The following INTS13 variants were observed in gnomAD, a reference collection of about 807,000 sequenced individuals.
INTS13 encodes the protein asunder, spermatogenesis regulator homolog (Drosphila).
INTS13 carries 35 observed loss-of-function variants against 90.2 expected under a neutral mutation model. The ratio of observed to expected loss-of-function variants is 0.39; its 90% confidence interval spans 0.30 to 0.51. The LOEUF (loss-of-function observed/expected upper bound fraction) is 0.51. Ranked by LOEUF, INTS13 falls within the 20% of genes least tolerant of loss-of-function variation. The pLI is 0.80. For synonymous variants in INTS13, 309 were observed against 277.1 expected, an observed-to-expected ratio of 1.11 and a Z score of -1.14; for missense variants, 601 against 851.2, an observed-to-expected ratio of 0.71 and a Z score of 3.66.
At chr12:26,905,593 T>C in intron 16 of INTS13, 57 bp from the exon 17 acceptor site, 1 of 1,460,834 alleles carries the variant, frequency 6.8e-7, no homozygotes, top group South Asian at 1.2e-5. Context: ...ACATTTTGTC[T>C]CCTTATCTAC....
At chr12:26,925,899 A>C (rs1226006015) in intron 5 of INTS13, 48 bp from the exon 6 acceptor site, 5 of 1,342,784 alleles carry the variant, frequency 3.7e-6, no homozygotes, top group Non-Finnish European at 4.3e-6. Context: ...ATAGTATGTA[A>C]AGAATTCAAG....
In INTS13 at chr12:26,928,888, G is replaced by T; in HGVS notation, c.318C>A (p.Ala106=). 1 of 1,614,072 alleles carries T rather than the reference G, an allele frequency of 6.2e-7. No homozygotes were observed. The highest frequency in any genetic ancestry group is 8.5e-7 in the Non-Finnish European group (1 of 1,180,004). The part of the protein sequence containing the change: ...QNLQELMAAL[A]AVGPPNPRAD... ...CCCGAGGATTAGGAGGCCCAACAGC[G>T]GCTAATGCTGCCATTAGCTAAGTAA... Residue 106 remains alanine (A), a synonymous_variant, in exon 4 of 17, where the codon GCC becomes GCA. Coordinates refer to ENST00000261191, the MANE Select transcript of INTS13 (RefSeq NM_018164.3).
In INTS13 at chr12:26,913,704, GA is replaced by G; in HGVS notation, c.1575-18del. On this transcript the variant is annotated intron_variant, in intron 13 of 16. Transcript: ENST00000261191. ...TGTTCATCTCTGCAGCAAAGATTTGGAAATACTCTTTAAATAATATTGAAGT... is the reference window on the plus strand; with the variant it reads ...TGTTCATCTCTGCAGCAAAGATTTGGAATACTCTTTAAATAATATTGAAGT... 6.4e-7 allele frequency: 1 copy of G among 1,570,644 alleles called. No homozygotes were observed. Among genetic ancestry groups the G allele is most frequent in the Non-Finnish European group, 8.7e-7 (1 of 1,149,290 alleles).
chr12:26,922,875 C>A (rs1381636610), intron 7 of INTS13, among the ~76,000 whole-genome samples, 175 bp from the exon 8 acceptor site: 4 of 151,902 alleles, frequency 2.6e-5, no homozygotes, highest in Admixed American at 6.6e-5. Flanking sequence ...AACATAAACT[C>A]CATTAAAAAA....
Position 26,917,453 on chromosome 12 carries a change from G to A in INTS13, c.980-12C>T, listed in dbSNP as rs549478438. On this transcript the variant is annotated splice_polypyrimidine_tract_variant and intron_variant, in intron 9 of 16. Coordinates refer to ENST00000261191, the MANE Select transcript of INTS13 (RefSeq NM_018164.3). ...ACAATAGTGTAATTCTGAAATAGAA[G>A]AAAACACTGATTTGAAAGAATATAA... 37 of 1,409,908 alleles carry A rather than the reference G, an allele frequency of 2.6e-5. No homozygotes were observed. In the South Asian group the frequency reaches 4.1e-4, roughly 16 times the overall value. The allele number at this position is 1,409,908 out of a possible 1,614,324, so 87.3% of individuals were successfully genotyped here.
In INTS13 at chr12:26,917,185, A is replaced by G. The variant is rs571291267; in HGVS notation, c.1069+167T>C. The stretch of plus-strand genomic sequence containing the variant: ...ACTGTTAAAGGGTATTTCAAATTAC[A>G]TAAGTTTAAAACAGCTTTGGCAAAT... On this transcript the variant is annotated intron_variant, in intron 10 of 16. Transcript: ENST00000261191. 5.9e-5 allele frequency among the ~76,000 whole-genome samples: 9 copies of G among 152,244 alleles called. No individual in the cohort carries two copies. In the South Asian group the frequency reaches 1.2e-3, roughly 21 times the overall value.
intron 15 of INTS13, 138 bp downstream of exon 15, chr12:26,911,039 TG>T: frequency 1.1e-6 from 1 of 869,844 alleles, no homozygotes; most frequent in Non-Finnish European, 1.7e-6. Flanking sequence ...TTCACCATGC[TG>T]GCCAGGCTGG....
intron 8 of INTS13, chr12:26,919,009 T>C (rs1952025889): frequency 5.5e-6 from 2 of 366,916 alleles, no homozygotes; most frequent in South Asian, 4.1e-5. Context: ...ATGGAAAAAA[T>C]ACAAAAATTA....
At chr12:26,925,932 A>T (rs1002439610) in intron 5 of INTS13, 81 bp from the exon 6 acceptor site, 1 of 894,998 alleles carries the variant, frequency 1.1e-6, no homozygotes, top group East Asian at 2.6e-5. Context: ...TAAAACCTTA[A>T]CATATTAAAA....
intron 6 of INTS13, 90 bp from the exon 7 acceptor site, chr12:26,924,573 T>G (rs1937764220): frequency 1.5e-6 from 2 of 1,334,278 alleles, no homozygotes; most frequent in Non-Finnish European, 2.0e-6. Flanking sequence ...CCATTAAAAT[T>G]AAGTATTTTT....
chr12:26,936,051 A>G (rs914280384), intron 2 of INTS13, among the ~76,000 whole-genome samples: 2 of 152,208 alleles, frequency 1.3e-5, no homozygotes, highest in African/African-American at 4.8e-5. Context: ...AGTTTAGTAT[A>G]TATTTGCTAA....
chr12:26,910,897 G>A (rs1951753226), intron 15 of INTS13, among the ~76,000 whole-genome samples: 1 of 151,930 alleles, frequency 6.6e-6, no homozygotes, highest in Non-Finnish European at 1.5e-5. Flanking sequence ...GTGCAATGGT[G>A]CGATCTTGGC....
chr12:26,930,091 TA>T (rs1434895682), intron 3 of INTS13, among the ~76,000 whole-genome samples: 1 of 152,134 alleles, frequency 6.6e-6, no homozygotes, highest in Non-Finnish European at 1.5e-5. Context: ...ATAAAATACT[TA>T]GAAATAAATT....
chr12:26,908,886 G>C (rs935238568), intron 15 of INTS13, among the ~76,000 whole-genome samples: 3 of 151,974 alleles, frequency 2.0e-5, no homozygotes, highest in African/African-American at 7.3e-5. Context: ...ATATTTCCAG[G>C]GCGAAAAACA....
intron 5 of INTS13, among the ~76,000 whole-genome samples, chr12:26,926,648 C>T (rs896726858): frequency 2.3e-4 from 35 of 152,202 alleles, no homozygotes; most frequent in Non-Finnish European, 4.9e-4. Context: ...GCTCATGCTT[C>T]CTGGCACAGA....
chr12:26,925,948 T>C, intron 5 of INTS13, 97 bp from the exon 6 acceptor site: 2 of 804,258 alleles, frequency 2.5e-6, no homozygotes, highest in Non-Finnish European at 4.0e-6. Context: ...TAAAACATCA[T>C]ATTGCTACAA....
intron 5 of INTS13, 101 bp from the exon 6 acceptor site, chr12:26,925,952 G>C (rs1937850598): frequency 2.6e-6 from 2 of 776,006 alleles, no homozygotes; most frequent in South Asian, 1.8e-5. Flanking sequence ...ACATCATATT[G>C]CTACAATTAG....
intron 15 of INTS13, among the ~76,000 whole-genome samples, chr12:26,908,269 G>C (rs1951669545): frequency 6.6e-6 from 1 of 152,176 alleles, no homozygotes; most frequent in Non-Finnish European, 1.5e-5. Context: ...CTTTTGGGGT[G>C]ACAGACTGTT....
intron 8 of INTS13, among the ~76,000 whole-genome samples, chr12:26,917,977 C>A (rs1311161489): frequency 1.3e-5 from 2 of 151,978 alleles, no homozygotes; most frequent in African/African-American, 4.8e-5. Flanking sequence ...CAGAAATGTG[C>A]CAGGCGCAGT....
Sources: allele counts gnomAD v4.1 joint callset (sites outside exome capture counted in the v4.1 genomes callset), GRCh38; gene constraint gnomAD v4.1.1; transcripts MANE v1.5; gene names NCBI Gene and HGNC (gene_info 2026-07-23, HGNC 2026-07-21).